The following PRMT3 variants were observed in gnomAD, a reference collection of about 807,000 sequenced individuals.
The protein encoded by PRMT3 is protein arginine N-methyltransferase 3.
PRMT3 carries 62 observed loss-of-function variants against 71.9 expected under a neutral mutation model. The ratio of observed to expected loss-of-function variants is 0.86; its 90% CI spans 0.70 to 1.07. PRMT3 has a LOEUF of 1.07. PRMT3 is among the 50% of genes least tolerant of loss of function. The pLI, the probability that PRMT3 is intolerant of heterozygous loss-of-function variation, is 0.00. For missense variants in PRMT3, 663 were observed against 643.0 expected (o/e 1.03, Z -0.34); for synonymous variants, 213 against 220.4 (o/e 0.97, Z 0.30).
chr11:20,443,970 G>C (rs1849966050), intron 10 of PRMT3, among the ~76,000 whole-genome samples: 1 of 152,192 alleles, frequency 6.6e-6, no homozygotes. Context: ...TAGTCTTGCA[G>C]AACAGTAGCA....
intron 9 of PRMT3, among the ~76,000 whole-genome samples, chr11:20,413,503 T>C (rs1849238305): frequency 6.6e-6 from 1 of 152,326 alleles, no homozygotes; most frequent in African/African-American, 2.4e-5. Context: ...GTATCCGTTA[T>C]GATGCTTTGC....
chr11:20,463,575 T>C lies in PRMT3; in HGVS notation c.1261-885T>C, dbSNP rs1590083184. Among the ~76,000 whole-genome samples the C allele has an allele frequency of 4.6e-3, 4 of 868 alleles. No homozygotes were observed. In the South Asian group the frequency reaches 0.18, roughly 39 times the overall value. The allele number at this position is 868 out of a possible 152,430, so 0.6% of individuals were successfully genotyped here. On this transcript the variant is annotated intron_variant, in intron 12 of 15. Coordinates refer to ENST00000331079, the MANE Select transcript of PRMT3 (RefSeq NM_005788.4). ...AAGGTGTTAAAAAGTGTATGTACTC[T>C]TTTTTTTTTTTTAACATTTATTTAA...
At chr11:20,499,922 C>T (rs1237532156) in intron 15 of PRMT3, among the ~76,000 whole-genome samples, 1 of 152,128 alleles carries the variant, frequency 6.6e-6, no homozygotes, top group Non-Finnish European at 1.5e-5. Flanking sequence ...AGCTATAAAA[C>T]CAGAGTATAT....
intron 10 of PRMT3, among the ~76,000 whole-genome samples, chr11:20,445,038 T>A (rs2133378146): frequency 1.3e-5 from 2 of 151,452 alleles, no homozygotes; most frequent in East Asian, 3.9e-4. Flanking sequence ...GGTTAATGTT[T>A]AAATGTTATG....
intron 10 of PRMT3, among the ~76,000 whole-genome samples, chr11:20,441,268 TTTA>T (rs1849891369): frequency 0.035 from 95 of 2,714 alleles, no homozygotes; most frequent in Admixed American, 0.13. Context: ...TAACTTTTTA[TTTA>T]TTTATTTATT....
chr11:20,490,352 A>G (rs1013942128), intron 13 of PRMT3, among the ~76,000 whole-genome samples: 29 of 152,194 alleles, frequency 1.9e-4, no homozygotes, highest in South Asian at 4.1e-4. Flanking sequence ...GAAGTTAACT[A>G]TATCTGTCAT....
chr11:20,461,176 A>G (rs1850375148), intron 11 of PRMT3, among the ~76,000 whole-genome samples: 2 of 152,106 alleles, frequency 1.3e-5, no homozygotes, highest in African/African-American at 4.8e-5. Flanking sequence ...TATATGGGCC[A>G]TCCCATCTAT....
intron 10 of PRMT3, among the ~76,000 whole-genome samples, chr11:20,427,252 C>T (rs955057274): frequency 6.6e-6 from 1 of 152,160 alleles, no homozygotes; most frequent in Non-Finnish European, 1.5e-5. Flanking sequence ...CCACCATTAT[C>T]ATACTGAATG....
chr11:20,473,588 A>C (rs369747606), intron 13 of PRMT3, among the ~76,000 whole-genome samples: 1 of 152,072 alleles, frequency 6.6e-6, no homozygotes, highest in Non-Finnish European at 1.5e-5. Flanking sequence ...TATGATTTCA[A>C]TTCTTTTTCA....
chr11:20,489,618 A>G (rs757058044), intron 13 of PRMT3, among the ~76,000 whole-genome samples: 2 of 152,148 alleles, frequency 1.3e-5, no homozygotes, highest in Admixed American at 6.6e-5. Context: ...AAATAGTGGC[A>G]TGTTTATATT....
chr11:20,478,663 A>G (rs939337368), intron 13 of PRMT3, among the ~76,000 whole-genome samples: 2 of 152,220 alleles, frequency 1.3e-5, no homozygotes, highest in African/African-American at 4.8e-5. Context: ...TGCTATTAAA[A>G]GAAACTTTAA....
At chr11:20,398,135 C>G (rs1166137413) in intron 7 of PRMT3, among the ~76,000 whole-genome samples, 1 of 150,950 alleles carries the variant, frequency 6.6e-6, no homozygotes, top group Non-Finnish European at 1.5e-5. Flanking sequence ...CAATTTTAGT[C>G]TTCTCAAGGG....
At chr11:20,483,650 A>C (rs927716212) in intron 13 of PRMT3, among the ~76,000 whole-genome samples, 3 of 152,128 alleles carry the variant, frequency 2.0e-5, no homozygotes, top group Non-Finnish European at 4.4e-5. Flanking sequence ...CTATGAATAC[A>C]ACAAATAATC....
At chr11:20,430,155 A>AT (rs969814884) in intron 10 of PRMT3, among the ~76,000 whole-genome samples, 9 of 152,072 alleles carry the variant, frequency 5.9e-5, no homozygotes, top group African/African-American at 2.2e-4. Context: ...TATTTATTTT[A>AT]TTTTTTACAT....
At chr11:20,417,133 A>C (rs75446998) in intron 9 of PRMT3, among the ~76,000 whole-genome samples, 2,561 of 152,216 alleles carry the variant, frequency 0.017, 90 homozygotes, top group African/African-American at 0.059. Flanking sequence ...TCACAGGTTT[A>C]CCAATATAAT....
At chr11:20,451,574 A>C (rs1370907111) in intron 10 of PRMT3, among the ~76,000 whole-genome samples, 1 of 151,980 alleles carries the variant, frequency 6.6e-6, no homozygotes, top group African/African-American at 2.4e-5. Context: ...GAGTTTCTCA[A>C]CCTTAGTGCT....
chr11:20,452,468 A>C (rs564666453), intron 11 of PRMT3, among the ~76,000 whole-genome samples: 1 of 152,208 alleles, frequency 6.6e-6, no homozygotes, highest in Non-Finnish European at 1.5e-5. Flanking sequence ...TCTAAAGACT[A>C]GGTTTTGGAA....
At chr11:20,429,053 C>T (rs1021552605) in intron 10 of PRMT3, among the ~76,000 whole-genome samples, 12 of 152,144 alleles carry the variant, frequency 7.9e-5, no homozygotes, top group Admixed American at 7.2e-4. Context: ...TGACTTTTGA[C>T]ATTAAATTTC....
chr11:20,478,848 G>A (rs981502897), intron 13 of PRMT3, among the ~76,000 whole-genome samples: 3 of 152,182 alleles, frequency 2.0e-5, no homozygotes, highest in Admixed American at 2.0e-4. Context: ...TCTGACAGCA[G>A]AATCCTACTA....
Sources: allele counts gnomAD v4.1 joint callset (sites outside exome capture counted in the v4.1 genomes callset), GRCh38; gene constraint gnomAD v4.1.1; transcripts MANE v1.5; gene names NCBI Gene and HGNC (gene_info 2026-07-23, HGNC 2026-07-21).